OCA2: variants seen among roughly 807,000 people sequenced by gnomAD.
The protein encoded by OCA2 is OCA2 melanosomal transmembrane protein, also known as P protein.
OCA2 carries 77 observed loss-of-function variants against 100.2 expected under a neutral mutation model. The ratio of observed to expected loss-of-function variants is 0.77; its 90% CI spans 0.64 to 0.93. OCA2 has a LOEUF of 0.93. Among genes scored for constraint, OCA2 ranks in the 40% least tolerant of loss-of-function variants. OCA2 has a pLI of 0.00. For synonymous variants in OCA2, 432 were observed against 439.2 expected, an observed-to-expected ratio of 0.98 and a Z score of 0.21; for missense variants, 1,062 against 1,089.1, an observed-to-expected ratio of 0.98 and a Z score of 0.35.
At chr15:28,026,118 A>G (rs962979152) in intron 4 of OCA2, among the ~76,000 whole-genome samples, 4 of 152,206 alleles carry the variant, frequency 2.6e-5, no homozygotes, top group African/African-American at 9.7e-5. Flanking sequence ...ACCCAAAATA[A>G]AAGGTTTTTT....
intron 19 of OCA2, among the ~76,000 whole-genome samples, chr15:27,888,860 C>T (rs1459364612): frequency 6.6e-6 from 1 of 152,036 alleles, no homozygotes; most frequent in South Asian, 2.1e-4. Flanking sequence ...CTGTTACAAC[C>T]TTTATCACAT....
chr15:27,793,337 T>C (rs1264038413), intron 23 of OCA2, among the ~76,000 whole-genome samples: 1 of 151,966 alleles, frequency 6.6e-6, no homozygotes, highest in Admixed American at 6.5e-5. Flanking sequence ...CTGAAAAGAA[T>C]GATGTCTATA....
intron 21 of OCA2, among the ~76,000 whole-genome samples, chr15:27,865,142 A>G (rs551155594): frequency 6.6e-6 from 1 of 151,958 alleles, no homozygotes; most frequent in Non-Finnish European, 1.5e-5. Context: ...GCTTGGAGAG[A>G]TGACGCCATC....
At position 27,871,175 on chromosome 15, in the gene OCA2, G is replaced by A; in HGVS notation, c.2223C>T (p.Asn741=). 6.2e-7 allele frequency: 1 copy of A among 1,613,962 alleles called. No individual in the cohort carries two copies. Among genetic ancestry groups the A allele is most frequent in the Non-Finnish European group, 8.5e-7 (1 of 1,179,816 alleles). The change falls in exon 21 of 24, where the codon AAC becomes AAT. Residue 741 remains asparagine (N), a synonymous_variant. Coordinates refer to ENST00000354638, the MANE Select transcript of OCA2 (RefSeq NM_000275.3). ...TCACCATGGTAGCAGTGAACGGGAT[G>A]TTGTCAATCAGGGACGACGCCAGGG... ...VSALASSLID[N]IPFTATMIPV...
At chr15:27,821,068 T>C (rs1489899801) in intron 23 of OCA2, among the ~76,000 whole-genome samples, 1 of 152,086 alleles carries the variant, frequency 6.6e-6, no homozygotes, top group Non-Finnish European at 1.5e-5. Flanking sequence ...CATTGAGACA[T>C]TGATGCCTCA....
intron 21 of OCA2, among the ~76,000 whole-genome samples, chr15:27,866,935 G>A (rs747390030): frequency 1.3e-5 from 2 of 152,166 alleles, no homozygotes; most frequent in African/African-American, 4.8e-5. Flanking sequence ...GTGTGACAAG[G>A]CATACTCAAG....
intron 9 of OCA2, among the ~76,000 whole-genome samples, chr15:28,003,288 C>T (rs1435148752): frequency 6.6e-6 from 1 of 152,240 alleles, no homozygotes; most frequent in Non-Finnish European, 1.5e-5. Context: ...GTCACATTGG[C>T]CAGCCACACT....
intron 23 of OCA2, among the ~76,000 whole-genome samples, chr15:27,770,075 C>T (rs1013399849): frequency 6.6e-6 from 1 of 152,142 alleles, no homozygotes. Context: ...TTTTGCAGGG[C>T]CTGCAGTGCC....
chr15:27,890,547 T>C (rs538904403), intron 19 of OCA2, among the ~76,000 whole-genome samples: 1 of 152,182 alleles, frequency 6.6e-6, no homozygotes, highest in South Asian at 2.1e-4. Flanking sequence ...GGGAAGGAAA[T>C]GGTACAACAT....
At chr15:27,985,276 G>A in intron 12 of OCA2, 88 bp from the exon 13 acceptor site, 1 of 1,514,190 alleles carries the variant, frequency 6.6e-7, no homozygotes. Flanking sequence ...TTTAAGAACA[G>A]GGAGCCAAAC....
At chr15:27,830,085 T>C (rs1433636627) in intron 23 of OCA2, among the ~76,000 whole-genome samples, 2 of 152,188 alleles carry the variant, frequency 1.3e-5, no homozygotes, top group Admixed American at 6.5e-5. Context: ...TATAAAAATA[T>C]AAATAAGAAC....
intron 1 of OCA2, among the ~76,000 whole-genome samples, chr15:28,096,243 G>A (rs2044979863): frequency 6.6e-6 from 1 of 151,170 alleles, no homozygotes; most frequent in Non-Finnish European, 1.5e-5. Flanking sequence ...GTCTCCTGGG[G>A]CGTGGTCGTG....
At chr15:28,029,409 C>CA (rs557119569) in intron 3 of OCA2, among the ~76,000 whole-genome samples, 26 of 150,622 alleles carry the variant, frequency 1.7e-4, no homozygotes, top group African/African-American at 5.4e-4. Flanking sequence ...AAAATTGGAA[C>CA]AAAAAAAAAC....
chr15:27,945,250 C>A (rs1567137974), intron 18 of OCA2, among the ~76,000 whole-genome samples: 1 of 152,190 alleles, frequency 6.6e-6, no homozygotes, highest in Non-Finnish European at 1.5e-5. Context: ...TTGTTCCCGT[C>A]CACCTGCTCA....
At chr15:27,913,457 T>C (rs905584864) in intron 19 of OCA2, among the ~76,000 whole-genome samples, 1 of 152,166 alleles carries the variant, frequency 6.6e-6, no homozygotes, top group African/African-American at 2.4e-5. Flanking sequence ...CAAATTATTA[T>C]AATCCAAAAA....
chr15:27,877,562 T>C (rs2151526503), intron 19 of OCA2, among the ~76,000 whole-genome samples: 1 of 152,172 alleles, frequency 6.6e-6, no homozygotes, highest in East Asian at 1.9e-4. Flanking sequence ...TTATTAAATG[T>C]CCCTCATTAT....
At chr15:27,744,226 T>C in the OCA2 span, among the ~76,000 whole-genome samples, 10 of 152,188 alleles carry the variant, frequency 6.6e-5, no homozygotes, top group South Asian at 2.1e-3. Flanking sequence ...TAAGACCTGG[T>C]GGGGCCAGCG....
intron 2 of OCA2, among the ~76,000 whole-genome samples, chr15:28,051,683 C>A (rs1196352330): frequency 6.8e-6 from 1 of 146,116 alleles, no homozygotes; most frequent in African/African-American, 2.6e-5. Context: ...CATTCAGAGG[C>A]CAGACCATGG....
At chr15:28,028,683 T>G (rs1445861886) in intron 3 of OCA2, among the ~76,000 whole-genome samples, 1 of 152,090 alleles carries the variant, frequency 6.6e-6, no homozygotes, top group Non-Finnish European at 1.5e-5. Flanking sequence ...TTGTTGTTGT[T>G]GTTGTTTTGT....
Sources: allele counts gnomAD v4.1 joint callset (sites outside exome capture counted in the v4.1 genomes callset), GRCh38; gene constraint gnomAD v4.1.1; transcripts MANE v1.5; gene names NCBI Gene and HGNC (gene_info 2026-07-23, HGNC 2026-07-21).